PANK2: variants seen among roughly 807,000 people sequenced by gnomAD.
The protein encoded by PANK2 is pantothenate kinase 2, mitochondrial.
Under a neutral mutation model 43.1 loss-of-function variants are expected in PANK2, and 36 were observed. The observed-to-expected ratio is 0.84, with a 90% CI of 0.64 to 1.10. PANK2 has a LOEUF of 1.10. Ranked by LOEUF, PANK2 falls within the 50% of genes least tolerant of loss-of-function variation. The probability of loss-of-function intolerance (pLI) is 0.00; values close to 1 mark genes in which losing one functional copy is unlikely to be tolerated. For synonymous variants in PANK2, 281 were observed against 238.2 expected (o/e 1.18, Z -1.66); for missense variants, 576 against 593.3 (o/e 0.97, Z 0.30).
chr20:3,918,008 A>G (rs1281918011), intron 5 of PANK2, among the ~76,000 whole-genome samples: 1 of 152,214 alleles, frequency 6.6e-6, no homozygotes, highest in African/African-American at 2.4e-5. Flanking sequence ...GGCAGTAAGC[A>G]TTTTTAAGCA....
chr20:3,903,697 G>A (rs1044467873), intron 1 of PANK2, among the ~76,000 whole-genome samples: 2 of 148,222 alleles, frequency 1.3e-5, no homozygotes, highest in South Asian at 4.3e-4. Context: ...GTGTGATCTC[G>A]GCTCACTGCA....
chr20:3,889,009 G>A, upstream of PANK2: 1 of 1,055,934 alleles, frequency 9.5e-7, no homozygotes, highest in Middle Eastern at 3.1e-4. Context: ...ACGGCACGGA[G>A]CAGCGGGGTG....
chr20:3,896,344 C>G (rs1205125594), intron 1 of PANK2, among the ~76,000 whole-genome samples: 1 of 150,744 alleles, frequency 6.6e-6, no homozygotes, highest in Non-Finnish European at 1.5e-5. Context: ...TCCCGAAGTG[C>G]TGGGATTACA....
intron 1 of PANK2, among the ~76,000 whole-genome samples, chr20:3,895,682 CACTGTTCAGGTAAG>C (rs1177293900): frequency 1.3e-5 from 2 of 152,054 alleles, no homozygotes; most frequent in Non-Finnish European, 2.9e-5. Flanking sequence ...TATCTTCAGG[CACTGTTCAGGTAAG>C]ACTGACTGGG....
chr20:3,914,630 C>G (rs1010909487), intron 4 of PANK2, among the ~76,000 whole-genome samples: 2 of 150,426 alleles, frequency 1.3e-5, no homozygotes, highest in Non-Finnish European at 3.0e-5. Context: ...GGCAGGGTCT[C>G]TCTCTGTTGC....
At chr20:3,899,866 C>T (rs952502139) in intron 1 of PANK2, among the ~76,000 whole-genome samples, 1 of 151,786 alleles carries the variant, frequency 6.6e-6, no homozygotes, top group Non-Finnish European at 1.5e-5. Flanking sequence ...TGCCACCATG[C>T]CCGGCTAATG....
At chr20:3,892,554 G>T (rs1228745957) in intron 1 of PANK2, among the ~76,000 whole-genome samples, 1 of 151,230 alleles carries the variant, frequency 6.6e-6, no homozygotes, top group African/African-American at 2.4e-5. Context: ...ACGCGTGCCC[G>T]TAGTCGCAGC....
At chr20:3,904,256 G>T (rs2090351112) in intron 1 of PANK2, among the ~76,000 whole-genome samples, 1 of 151,888 alleles carries the variant, frequency 6.6e-6, no homozygotes, top group African/African-American at 2.4e-5. Flanking sequence ...CCCACAATTA[G>T]GAAATTAACA....
chr20:3,910,217 G>A (rs983618200), intron 2 of PANK2, among the ~76,000 whole-genome samples: 3 of 152,038 alleles, frequency 2.0e-5, no homozygotes, highest in Non-Finnish European at 2.9e-5. Context: ...ATAGTGCTGT[G>A]GCCTGAGCTT....
chr20:3,915,190 A>ATC (rs1257002342), intron 4 of PANK2, among the ~76,000 whole-genome samples: 3 of 151,920 alleles, frequency 2.0e-5, no homozygotes. Context: ...TGTGTAAGAA[A>ATC]TCTAAGATCA....
At chr20:3,902,948 C>T (rs889363619) in intron 1 of PANK2, among the ~76,000 whole-genome samples, 4 of 148,420 alleles carry the variant, frequency 2.7e-5, no homozygotes, top group Non-Finnish European at 4.4e-5. Context: ...TATACAGTTC[C>T]ATGAGTTTCG....
chr20:3,921,971 C>G (rs1174267561), intron 6 of PANK2: 1 of 152,210 alleles, frequency 6.6e-6, no homozygotes, highest in Admixed American at 6.5e-5. Context: ...CTTGGCCTCC[C>G]GAAGTGCTGG....
In PANK2 at chr20:3,918,804, G is replaced by T. The variant is rs769961471; in HGVS notation, c.1332+8G>T. The T allele has an allele frequency of 1.2e-6, 2 of 1,614,180 alleles. No individual in the cohort carries two copies. Among genetic ancestry groups the T allele is most frequent in the East Asian group, 2.2e-5 (1 of 44,888 alleles). On this transcript the variant is annotated splice_region_variant and intron_variant, in intron 6 of 6. Transcript: ENST00000610179. ...CTTTTTTCGGAACACGAGGTAAGCT[G>T]ACTTGTTCGTTGTGGTATATTATGT...
At chr20:3,920,302 A>C (rs913537128) in intron 6 of PANK2, among the ~76,000 whole-genome samples, 5 of 151,516 alleles carry the variant, frequency 3.3e-5, no homozygotes, top group African/African-American at 7.3e-5. Context: ...ACCTAAGGTC[A>C]GGAGACCAGC....
chr20:3,919,844 T>C (rs564428433), intron 6 of PANK2, among the ~76,000 whole-genome samples: 109 of 152,366 alleles, frequency 7.2e-4, no homozygotes, highest in African/African-American at 2.4e-3. Context: ...GTCCAGATAA[T>C]AGCACAGATT....
At chr20:3,889,203 C>A (rs2090066699), upstream of PANK2, 3 of 1,612,608 alleles carry the variant, frequency 1.9e-6, no homozygotes, top group African/African-American at 1.3e-5. Flanking sequence ...AACCCGGATC[C>A]CCTCCTCCAC....
rs71195867 is a variant in PANK2, at chr20:3,907,099, C to CTTTTTTT, written c.299-811_299-805dup. Among the ~76,000 whole-genome samples, 13 of 80,632 alleles carry CTTTTTTT rather than the reference C, an allele frequency of 1.6e-4. 2 individuals carry two copies. The highest frequency in any genetic ancestry group is 2.0e-4 in the Non-Finnish European group (9 of 45,244). The allele number at this position is 80,632 out of a possible 152,430, so 52.9% of individuals were successfully genotyped here. A position where few individuals can be genotyped will look rare whatever the true frequency, so the allele number is the denominator to read the frequency against. On this transcript the variant is annotated intron_variant, in intron 1 of 6. Coordinates refer to ENST00000610179, the MANE Select transcript of PANK2 (RefSeq NM_001386393.1). ...CGTGAGCCACCGTGCCCAGCCCTGC[C>CTTTTTTT]TTTTTTTTTTTTTTTTTTTTTTGAG...
rs1442436101 is a variant in PANK2, at chr20:3,927,750, G to A, written c.*4456G>A. The A allele has an allele frequency of 6.6e-6, 1 of 152,280 alleles. No individual in the cohort carries two copies. The highest frequency in any genetic ancestry group is 1.9e-4 in the East Asian group (1 of 5,196). 9.4% of individuals were successfully genotyped at this position (152,280 alleles called of 1,614,324 possible). Reference sequence around the variant, plus strand: ...GAGGGAAGGGCAGATGGAGAGGAACGGTGTGCAGTGGGCGTGAGATGCAGA... The same window carrying A: ...GAGGGAAGGGCAGATGGAGAGGAACAGTGTGCAGTGGGCGTGAGATGCAGA... On this transcript the variant is annotated 3_prime_UTR_variant, in exon 7 of 7. Transcript: ENST00000610179.
intron 5 of PANK2, chr20:3,917,355 C>G (rs2090578335): frequency 6.3e-6 from 3 of 478,808 alleles, no homozygotes. Context: ...GATAACGATG[C>G]TGAATGTAGA....
Sources: allele counts gnomAD v4.1 joint callset (sites outside exome capture counted in the v4.1 genomes callset), GRCh38; gene constraint gnomAD v4.1.1; transcripts MANE v1.5; gene names NCBI Gene and HGNC (gene_info 2026-07-23, HGNC 2026-07-21).